REV1: variants seen among roughly 807,000 people sequenced by gnomAD.
The protein encoded by REV1 is translesion synthesis protein REV1.
Under a neutral mutation model 137.4 loss-of-function variants are expected in REV1, and 42 were observed. The observed-to-expected ratio is 0.31, with a 90% CI of 0.24 to 0.40. The LOEUF (loss-of-function observed/expected upper bound fraction) is 0.40. Among genes scored for constraint, REV1 ranks in the 10% least tolerant of loss-of-function variants. REV1 has a pLI of 1.00. For missense variants in REV1, 1,282 were observed against 1,490.1 expected (o/e 0.86, Z 2.30); for synonymous variants, 524 against 519.2 (o/e 1.01, Z -0.12).
chr2:99,460,865 G>C (rs7585019), intron 3 of REV1, among the ~76,000 whole-genome samples: 65,408 of 151,750 alleles, frequency 0.43, 14,329 homozygotes, highest in Admixed American at 0.58. Context: ...AGTGATAAAA[G>C]CAGATTTAGA....
At chr2:99,442,262 A>AC in intron 5 of REV1, 55 bp downstream of exon 5, 1 of 1,332,270 alleles carries the variant, frequency 7.5e-7, no homozygotes, top group Non-Finnish European at 9.9e-7. Context: ...CAAAAAAAAA[A>AC]AAAAAAAAAA....
At chr2:99,410,581 T>G (rs1676994827) in intron 14 of REV1, 114 bp downstream of exon 14, 25 of 898,402 alleles carry the variant, frequency 2.8e-5, no homozygotes, top group Non-Finnish European at 4.2e-5. Flanking sequence ...AATACCAGAT[T>G]AACGGGTTTA....
At chr2:99,411,817 A>G (rs1677195143) in intron 13 of REV1, among the ~76,000 whole-genome samples, 1 of 152,090 alleles carries the variant, frequency 6.6e-6, no homozygotes, top group Non-Finnish European at 1.5e-5. Context: ...TTACAGCCCA[A>G]ACATCATCTA....
chr2:99,402,358 G>A lies in REV1; in HGVS notation c.3542-12C>T. ...TTCTTCCATTGGATCTAGGAAGGGG[G>A]AAAAACTTCAAATGAGGACCAGTCT... On this transcript the variant is annotated splice_polypyrimidine_tract_variant and intron_variant, in intron 21 of 22. Transcript: ENST00000258428. The A allele has an allele frequency of 1.5e-6, 2 of 1,318,866 alleles. No individual in the cohort carries two copies. The highest frequency in any genetic ancestry group is 2.2e-6 in the Non-Finnish European group (2 of 928,276). 81.7% of individuals were successfully genotyped at this position (1,318,866 alleles called of 1,614,324 possible).
At chr2:99,411,531 C>G (rs12105686) in intron 13 of REV1, among the ~76,000 whole-genome samples, 2 of 151,280 alleles carry the variant, frequency 1.3e-5, no homozygotes, top group Non-Finnish European at 2.9e-5. Context: ...CTCAGCCTCC[C>G]GAGTAGCTAG....
intron 19 of REV1, 117 bp downstream of exon 19, chr2:99,403,578 G>T: frequency 1.6e-6 from 2 of 1,256,730 alleles, no homozygotes; most frequent in Non-Finnish European, 1.1e-6. Flanking sequence ...ATCCCAATAT[G>T]AAGAGCTCTT....
At chr2:99,417,701 T>C (rs1440342807) in intron 12 of REV1, among the ~76,000 whole-genome samples, 1 of 152,174 alleles carries the variant, frequency 6.6e-6, no homozygotes, top group East Asian at 1.9e-4. Flanking sequence ...GACAACGCAT[T>C]TCTGTTGTTT....
At chr2:99,420,885 G>GTAA (rs1217425505) in intron 11 of REV1, among the ~76,000 whole-genome samples, 1 of 152,178 alleles carries the variant, frequency 6.6e-6, no homozygotes, top group Non-Finnish European at 1.5e-5. Context: ...TTGCCAGAAG[G>GTAA]TAATGAGTGG....
intron 12 of REV1, among the ~76,000 whole-genome samples, chr2:99,417,697 G>A (rs987441123): frequency 3.9e-5 from 6 of 152,138 alleles, no homozygotes; most frequent in African/African-American, 1.4e-4. Context: ...GTGAGACAAC[G>A]CATTTCTGTT....
At chr2:99,476,326 G>A (rs112885515) in intron 1 of REV1, among the ~76,000 whole-genome samples, 10,471 of 152,192 alleles carry the variant, frequency 0.069, 632 homozygotes, top group Non-Finnish European at 0.1. Flanking sequence ...AGGAGGCTGA[G>A]GCGGGCAGAT....
intron 3 of REV1, among the ~76,000 whole-genome samples, 173 bp downstream of exon 3, chr2:99,462,323 C>A (rs1413899336): frequency 6.6e-6 from 1 of 152,100 alleles, no homozygotes; most frequent in Non-Finnish European, 1.5e-5. Context: ...AAGACAATGG[C>A]AGGTAAAAGC....
chr2:99,422,695 C>G (rs1405263917), intron 10 of REV1, among the ~76,000 whole-genome samples: 1 of 152,178 alleles, frequency 6.6e-6, no homozygotes, highest in Non-Finnish European at 1.5e-5. Flanking sequence ...AAGAACACTA[C>G]TGTGGATATT....
At chr2:99,478,143 GGA>G (rs1239315740) in intron 1 of REV1, among the ~76,000 whole-genome samples, 1 of 152,164 alleles carries the variant, frequency 6.6e-6, no homozygotes, top group East Asian at 1.9e-4. Flanking sequence ...GGCTGAGGCA[GGA>G]GGATCACTTA....
At chr2:99,442,710 C>T (rs1342482136) in intron 4 of REV1, among the ~76,000 whole-genome samples, 1 of 152,050 alleles carries the variant, frequency 6.6e-6, no homozygotes, top group Non-Finnish European at 1.5e-5. Context: ...TAGTATTTAC[C>T]ACCCTGTCAA....
chr2:99,408,207 TTAAA>T, intron 14 of REV1, 76 bp from the exon 15 acceptor site: 1 of 720,248 alleles, frequency 1.4e-6, no homozygotes, highest in Non-Finnish European at 2.2e-6. Context: ...ATGGAACTGT[TTAAA>T]AGAGTTATAG....
chr2:99,485,085 G>C (rs1687002307), intron 1 of REV1, among the ~76,000 whole-genome samples: 1 of 152,046 alleles, frequency 6.6e-6, no homozygotes, highest in South Asian at 2.1e-4. Flanking sequence ...TTACACCTAG[G>C]GTTTAGGATC....
intron 1 of REV1, among the ~76,000 whole-genome samples, chr2:99,486,526 C>G (rs1687155733): frequency 1.1e-5 from 1 of 94,934 alleles, no homozygotes; most frequent in Non-Finnish European, 2.2e-5. Context: ...GAGACTCCAT[C>G]TCAAAAAAAA....
chr2:99,456,027 T>C (rs1308474530), intron 3 of REV1, among the ~76,000 whole-genome samples: 1 of 152,138 alleles, frequency 6.6e-6, no homozygotes, highest in Non-Finnish European at 1.5e-5. Context: ...ACCACTAAAG[T>C]GCAACCACTG....
chr2:99,468,355 G>A (rs1316885422), intron 1 of REV1, among the ~76,000 whole-genome samples: 2 of 152,140 alleles, frequency 1.3e-5, no homozygotes, highest in Admixed American at 6.5e-5. Flanking sequence ...TCCCTAGAAC[G>A]GAGGAGGGCA....
Sources: gnomAD v4.1 joint callset for allele counts (sites outside exome capture counted in the v4.1 genomes callset) on GRCh38, gnomAD v4.1.1 for gene constraint, MANE v1.5 for transcripts, NCBI Gene and HGNC (gene_info 2026-07-23, HGNC 2026-07-21) for gene names.